RALY: variants seen among roughly 807,000 people sequenced by gnomAD.
RALY encodes RALY heterogeneous nuclear ribonucleoprotein, also known as RNA-binding protein Raly.
In RALY, 15 loss-of-function variants were observed where a neutral mutation model predicts 30.7. The ratio of observed to expected loss-of-function variants is 0.49; its 90% CI spans 0.33 to 0.75. RALY has a LOEUF of 0.75. Among genes scored for constraint, RALY ranks in the 30% least tolerant of loss-of-function variants. The probability of loss-of-function intolerance (pLI) is 0.02; values close to 1 mark genes in which losing one functional copy is unlikely to be tolerated. For missense variants in RALY, 339 were observed against 414.3 expected, an observed-to-expected ratio of 0.82 and a Z score of 1.58; for synonymous variants, 177 against 170.8, an observed-to-expected ratio of 1.04 and a Z score of -0.28.
chr20:34,030,648 G>A (rs1317652032), intron 1 of RALY, among the ~76,000 whole-genome samples: 4 of 152,166 alleles, frequency 2.6e-5, no homozygotes, highest in Non-Finnish European at 5.9e-5. Flanking sequence ...TTTACCACTT[G>A]ACTTATTTTG....
intron 1 of RALY, among the ~76,000 whole-genome samples, chr20:34,012,833 T>C (rs754705005): frequency 6.6e-6 from 1 of 152,238 alleles, no homozygotes; most frequent in Non-Finnish European, 1.5e-5. Flanking sequence ...ACCCACTGTT[T>C]CCCTGTGTTT....
intron 1 of RALY, among the ~76,000 whole-genome samples, chr20:34,013,227 T>C (rs978642803): frequency 6.6e-6 from 1 of 151,830 alleles, no homozygotes; most frequent in East Asian, 1.9e-4. Flanking sequence ...TCATCTCTTT[T>C]TTAAAACAAA....
chr20:34,000,450 G>A lies in RALY; in HGVS notation c.-93+6319G>A, dbSNP rs746004139. On this transcript the variant is annotated intron_variant, in intron 1 of 9. Transcript: ENST00000246194. ...CCTCTCTTCGAACGAATAAGTAGAA[G>A]CAGGTATCTGGCCAAGTATTAATGT... 1.2e-4 allele frequency among the ~76,000 whole-genome samples: 19 copies of A among 152,228 alleles called. 1 individual carries two copies. The highest frequency in any genetic ancestry group is 8.5e-4 in the Admixed American group (13 of 15,284).
intron 2 of RALY, among the ~76,000 whole-genome samples, chr20:34,066,492 A>G (rs1190108497): frequency 6.6e-6 from 1 of 152,106 alleles, no homozygotes; most frequent in African/African-American, 2.4e-5. Context: ...TTACAGTTTC[A>G]TGGACAACCA....
intron 1 of RALY, 175 bp downstream of exon 1, chr20:33,994,306 C>T (rs1235190491): frequency 1.3e-5 from 2 of 152,620 alleles, no homozygotes; most frequent in Non-Finnish European, 2.9e-5. Context: ...GCTCCTTTCT[C>T]CCACTCGGAC....
intron 1 of RALY, among the ~76,000 whole-genome samples, chr20:33,997,960 CATG>C: frequency 6.6e-6 from 1 of 152,188 alleles, no homozygotes; most frequent in Admixed American, 6.5e-5. Flanking sequence ...AAATATGACC[CATG>C]AGGTCAGTGT....
chr20:34,026,856 A>G (rs567034453), intron 1 of RALY, among the ~76,000 whole-genome samples: 1 of 152,164 alleles, frequency 6.6e-6, no homozygotes, highest in African/African-American at 2.4e-5. Flanking sequence ...TGATATTCAT[A>G]CTGGGGCTGA....
At chr20:34,027,640 T>C (rs2123080630) in intron 1 of RALY, among the ~76,000 whole-genome samples, 1 of 152,358 alleles carries the variant, frequency 6.6e-6, no homozygotes. Context: ...ATAAGGACTG[T>C]TCTCAATCAT....
chr20:33,995,093 T>G (rs941434024), intron 1 of RALY, among the ~76,000 whole-genome samples: 14 of 152,194 alleles, frequency 9.2e-5, no homozygotes, highest in Non-Finnish European at 1.9e-4. Flanking sequence ...GGTCACACCA[T>G]TTAATTAGGG....
chr20:34,039,883 A>G (rs1458570681), intron 2 of RALY, among the ~76,000 whole-genome samples: 3 of 152,086 alleles, frequency 2.0e-5, no homozygotes, highest in African/African-American at 7.2e-5. Flanking sequence ...GAGGCCAAGG[A>G]GGAAGGATCA....
At chr20:34,004,296 T>C (rs1056117183) in intron 1 of RALY, among the ~76,000 whole-genome samples, 13 of 152,244 alleles carry the variant, frequency 8.5e-5, no homozygotes, top group African/African-American at 3.1e-4. Context: ...ATTTCTAATA[T>C]TCTGTCTGGT....
chr20:34,068,946 AG>A (rs1048194588), intron 2 of RALY, among the ~76,000 whole-genome samples: 2 of 152,178 alleles, frequency 1.3e-5, no homozygotes, highest in Non-Finnish European at 2.9e-5. Context: ...GAAAGTGGAT[AG>A]GGGGCTGTTT....
At chr20:34,057,993 A>G (rs898896391) in intron 2 of RALY, among the ~76,000 whole-genome samples, 2 of 152,138 alleles carry the variant, frequency 1.3e-5, no homozygotes, top group African/African-American at 4.8e-5. Context: ...CCTGCAGCTG[A>G]GACACCTATT....
chr20:34,037,811 G>A (rs867890953), intron 2 of RALY, among the ~76,000 whole-genome samples: 1 of 152,206 alleles, frequency 6.6e-6, no homozygotes. Context: ...TTCAGGGTAT[G>A]GGGATGAATG....
chr20:34,077,286 C>T, intron 8 of RALY, 41 bp downstream of exon 8: 1 of 1,609,526 alleles, frequency 6.2e-7, no homozygotes, highest in Non-Finnish European at 8.5e-7. Context: ...CTCGACTGTG[C>T]TCCTACTCTC....
intron 1 of RALY, among the ~76,000 whole-genome samples, chr20:34,004,885 C>T (rs1205836070): frequency 6.6e-6 from 1 of 152,102 alleles, no homozygotes; most frequent in African/African-American, 2.4e-5. Flanking sequence ...TTTATCCTGC[C>T]GGTGGACCCT....
intron 1 of RALY, chr20:34,017,541 G>A (rs2031656294): frequency 6.6e-6 from 1 of 152,230 alleles, no homozygotes; most frequent in Non-Finnish European, 1.5e-5. Flanking sequence ...GGGATGCTCT[G>A]CTTGCTTTTA....
At chr20:34,077,346 A>G in intron 8 of RALY, 101 bp downstream of exon 8, 4 of 1,560,538 alleles carry the variant, frequency 2.6e-6, no homozygotes, top group Non-Finnish European at 2.6e-6. Flanking sequence ...CCCCACTGTG[A>G]ACTTCCTGTT....
chr20:34,026,025 G>A (rs1053588423), intron 1 of RALY, among the ~76,000 whole-genome samples: 3 of 148,936 alleles, frequency 2.0e-5, no homozygotes, highest in Non-Finnish European at 4.4e-5. Flanking sequence ...CACAAGGAAC[G>A]ATATACTCCC....
Sources: allele counts gnomAD v4.1 joint callset (sites outside exome capture counted in the v4.1 genomes callset), GRCh38; gene constraint gnomAD v4.1.1; transcripts MANE v1.5; gene names NCBI Gene and HGNC (gene_info 2026-07-23, HGNC 2026-07-21).